The following ZNF700 variants were observed in gnomAD, a reference collection of about 807,000 sequenced individuals.
ZNF700 encodes zinc finger protein 700.
Under a neutral mutation model 65.3 loss-of-function variants are expected in ZNF700, and 38 were observed. The observed-to-expected ratio is 0.58, with a 90% CI of 0.45 to 0.76. ZNF700 has a LOEUF of 0.76. Among genes scored for constraint, ZNF700 ranks in the 30% least tolerant of loss-of-function variants. The pLI is 0.00. For synonymous variants in ZNF700, 285 were observed against 290.4 expected (o/e 0.98, Z 0.19); for missense variants, 857 against 888.4 (o/e 0.96, Z 0.45).
At chr19:11,947,338 C>T (rs1374732165) in intron 2 of ZNF700, 31 bp downstream of exon 2, 1 of 1,612,468 alleles carries the variant, frequency 6.2e-7, no homozygotes, top group African/African-American at 1.3e-5. Flanking sequence ...TCCGTCAGTG[C>T]ATTAGCAAAC....
chr19:11,926,147 G>T (rs1170625033), intron 1 of ZNF700, among the ~76,000 whole-genome samples: 1 of 152,198 alleles, frequency 6.6e-6, no homozygotes, highest in African/African-American at 2.4e-5. Context: ...TGTTTCTCTA[G>T]ATTTTATGAA....
chr19:11,939,306 C>G (rs1435659920), intron 1 of ZNF700, among the ~76,000 whole-genome samples: 1 of 152,184 alleles, frequency 6.6e-6, no homozygotes, highest in Non-Finnish European at 1.5e-5. Context: ...TTGCCCATGC[C>G]TATGTCTGAA....
Position 11,948,509 on chromosome 19 carries a change from AGC to A in ZNF700, c.486_487del (p.Lys162AsnfsTer3). On this transcript the variant is annotated frameshift_variant, in exon 4 of 4. Coordinates refer to ENST00000254321, the MANE Select transcript of ZNF700 (RefSeq NM_144566.3). LOFTEE classifies it high-confidence loss of function. Reference sequence around the variant, plus strand: ...TATGAGTATCAGGAATATGGACCAAAGCCATATAAGTGTCAACAACCTAAAAA... The same window carrying A: ...TATGAGTATCAGGAATATGGACCAAACATATAAGTGTCAACAACCTAAAAA... The A allele has an allele frequency of 1.2e-6, 2 of 1,613,220 alleles. No homozygotes were observed. The highest frequency in any genetic ancestry group is 1.7e-6 in the Non-Finnish European group (2 of 1,179,850).
Position 11,933,543 on chromosome 19 carries a change from C to A in ZNF700, c.63+8270C>A, listed in dbSNP as rs145546168. Among the ~76,000 whole-genome samples, 16 of 147,586 alleles carry A rather than the reference C, an allele frequency of 1.1e-4. 3 individuals are homozygous for A. Among genetic ancestry groups the A allele is most frequent in the African/African-American group, 3.7e-4 (14 of 37,468 alleles). On this transcript the variant is annotated intron_variant, in intron 1 of 3. Transcript: ENST00000254321. ...AGCTCTCCCCTCCCTCTTCTGCCAC[C>A]CCTATTTATCCCTGGCAACAAATGA...
At chr19:11,937,093 T>C (rs1176491903) in intron 1 of ZNF700, among the ~76,000 whole-genome samples, 2 of 152,224 alleles carry the variant, frequency 1.3e-5, no homozygotes, top group Non-Finnish European at 2.9e-5. Context: ...TGAAGTCCAA[T>C]TTATCGATTT....
rs1568297660 is a variant in ZNF700, at chr19:11,948,623, G to C, written c.599G>C (p.Gly200Ala). The C allele has an allele frequency of 6.2e-7, 1 of 1,611,516 alleles. No individual in the cohort carries two copies. The highest frequency in any genetic ancestry group is 2.2e-5 in the East Asian group (1 of 44,854). The change falls in exon 4 of 4, where the codon GGA (glycine) becomes GCA (alanine). Residue 200 changes from glycine (G) to alanine (A), a missense_variant. Transcript: ENST00000254321. ...GEKPYACKVC[G>A]KTFIFHSSIR... ...AAACCCTATGCTTGTAAAGTCTGTG[G>C]AAAAACCTTTATTTTCCATTCAAGC...
intron 1 of ZNF700, among the ~76,000 whole-genome samples, chr19:11,932,747 C>T (rs1972733660): frequency 1.4e-5 from 2 of 145,678 alleles, no homozygotes; most frequent in Admixed American, 6.8e-5. Context: ...ACGCCATTCT[C>T]CTGTCTCAGC....
chr19:11,947,067 C>A, intron 1 of ZNF700, 114 bp from the exon 2 acceptor site: 1 of 1,462,710 alleles, frequency 6.8e-7, no homozygotes, highest in Non-Finnish European at 9.1e-7. Context: ...ATAACCGAAG[C>A]AGGGAATAAA....
In ZNF700 at chr19:11,950,005, T is replaced by G. The variant is rs1973038558; in HGVS notation, c.1981T>G (p.Ser661Ala). 3.7e-6 allele frequency: 6 copies of G among 1,613,892 alleles called. No homozygotes were observed. The highest frequency in any genetic ancestry group is 4.2e-6 in the Non-Finnish European group (5 of 1,179,956). The part of the protein sequence containing the change: ...KECEKAFCKF[S>A]SFQIHERKHR... The stretch of plus-strand genomic sequence containing the variant: ...ATGCGAAAAAGCATTCTGTAAATTC[T>G]CTTCTTTTCAAATACATGAAAGGAA... Residue 661 changes from serine (S) to alanine (A), a missense_variant, in exon 4 of 4, where the codon TCT (serine) becomes GCT (alanine). Physicochemically the swap from Ser to Ala is moderately conservative, Grantham distance 99. Coordinates refer to ENST00000254321, the MANE Select transcript of ZNF700 (RefSeq NM_144566.3).
intron 1 of ZNF700, among the ~76,000 whole-genome samples, chr19:11,935,082 A>C (rs572307941): frequency 4.2e-5 from 6 of 142,926 alleles, no homozygotes; most frequent in African/African-American, 8.6e-5. Flanking sequence ...AGGCTGAGGC[A>C]GGAGAATGGC....
At chr19:11,944,792 C>T (rs1422499274) in intron 1 of ZNF700, among the ~76,000 whole-genome samples, 3 of 152,186 alleles carry the variant, frequency 2.0e-5, no homozygotes, top group Admixed American at 6.5e-5. Context: ...GGTAATACAT[C>T]GCTGTGCCAC....
chr19:11,925,340 G>T (rs1226412405), intron 1 of ZNF700, 67 bp downstream of exon 1: 2 of 1,594,492 alleles, frequency 1.3e-6, no homozygotes, highest in Admixed American at 1.7e-5. Flanking sequence ...GGAACCGGCT[G>T]TGGCGGGACC....
chr19:11,949,547 A>G lies in ZNF700; in HGVS notation c.1523A>G (p.Tyr508Cys), dbSNP rs879231032. Residue 508 changes from tyrosine to cysteine, a missense_variant, in exon 4 of 4, where the codon TAT (tyrosine) becomes TGT (cysteine). Physicochemically the swap from Tyr to Cys is radical, Grantham distance 194. Transcript: ENST00000254321. ...HIRMPSGERP[Y>C]KCSICEKGFY... Reference sequence around the variant, plus strand: ...AGAATGCCCTCTGGAGAAAGACCTTATAAATGTAGTATATGTGAGAAAGGC... The same window carrying G: ...AGAATGCCCTCTGGAGAAAGACCTTGTAAATGTAGTATATGTGAGAAAGGC... 6.2e-7 allele frequency: 1 copy of G among 1,611,320 alleles called. No homozygotes were observed. The highest frequency in any genetic ancestry group is 8.5e-7 in the Non-Finnish European group (1 of 1,179,486).
intron 1 of ZNF700, among the ~76,000 whole-genome samples, chr19:11,927,216 T>C (rs1972642473): frequency 6.6e-6 from 1 of 151,908 alleles, no homozygotes; most frequent in Non-Finnish European, 1.5e-5. Context: ...TAGCCGGGTG[T>C]GGTGGCCTGC....
intron 1 of ZNF700, chr19:11,946,811 A>G (rs1484597121): frequency 6.0e-6 from 1 of 166,212 alleles, no homozygotes; most frequent in Non-Finnish European, 1.2e-5. Context: ...TTCTTTCGAG[A>G]CAAGACAACA....
At chr19:11,929,284 C>G (rs1301031089) in intron 1 of ZNF700, among the ~76,000 whole-genome samples, 2 of 148,342 alleles carry the variant, frequency 1.3e-5, no homozygotes, top group Non-Finnish European at 2.9e-5. Flanking sequence ...CTGCCTCAGC[C>G]TCCCAAGTAG....
rs1231444393 is a variant in ZNF700, at chr19:11,948,773, A to G, written c.749A>G (p.Tyr250Cys). 3 of 1,611,366 alleles carry G rather than the reference A, an allele frequency of 1.9e-6. No homozygotes were observed. The highest frequency in any genetic ancestry group is 1.3e-5 in the African/African-American group (1 of 74,696). The change falls in exon 4 of 4, where the codon TAT becomes TGT. Residue 250 changes from tyrosine (Y) to cysteine (C), a missense_variant. Coordinates refer to ENST00000254321, the MANE Select transcript of ZNF700 (RefSeq NM_144566.3). ...AGAACTCACACTGGAGAGAAACCAT[A>G]TGAATGTAAACAATGTGGTAAATCC... is the stretch of plus-strand genomic sequence containing the variant. ...HERTHTGEKP[Y>C]ECKQCGKSFT...
intron 1 of ZNF700, among the ~76,000 whole-genome samples, chr19:11,935,171 G>A (rs1462797833): frequency 1.1e-4 from 13 of 115,702 alleles, no homozygotes; most frequent in Middle Eastern, 5.2e-3. Context: ...GCGAGACTCC[G>A]TCTCAAAAAA....
intron 1 of ZNF700, among the ~76,000 whole-genome samples, chr19:11,932,149 A>G (rs117196284): frequency 0.011 from 1,623 of 147,520 alleles, 59 homozygotes; most frequent in South Asian, 0.022. Context: ...AAGAAAATAA[A>G]TTAGTCCAGC....
Sources: gnomAD v4.1 joint callset for allele counts (sites outside exome capture counted in the v4.1 genomes callset) on GRCh38, gnomAD v4.1.1 for gene constraint, MANE v1.5 for transcripts, NCBI Gene and HGNC (gene_info 2026-07-23, HGNC 2026-07-21) for gene names.